SPOPL: variants seen among roughly 807,000 people sequenced by gnomAD.
SPOPL encodes the protein speckle type BTB/POZ protein like.
Under a neutral mutation model 53.8 loss-of-function variants are expected in SPOPL, and 23 were observed. That is an observed-to-expected ratio of 0.43 (90% CI 0.31 to 0.61). The LOEUF (loss-of-function observed/expected upper bound fraction) is 0.61. Among genes scored for constraint, SPOPL ranks in the 20% least tolerant of loss-of-function variants. The pLI is 0.12. For missense variants in SPOPL, 442 were observed against 466.9 expected, an observed-to-expected ratio of 0.95 and a Z score of 0.49; for synonymous variants, 164 against 149.7, an observed-to-expected ratio of 1.10 and a Z score of -0.70.
At chr2:138,537,613 T>C (rs1684965884) in intron 1 of SPOPL, among the ~76,000 whole-genome samples, 5 of 152,196 alleles carry the variant, frequency 3.3e-5, no homozygotes, top group Admixed American at 3.3e-4. Flanking sequence ...GTCTTCTCCC[T>C]TAGAGGCAGG....
At chr2:138,535,224 T>A (rs1684901786) in intron 1 of SPOPL, among the ~76,000 whole-genome samples, 1 of 152,252 alleles carries the variant, frequency 6.6e-6, no homozygotes, top group African/African-American at 2.4e-5. Flanking sequence ...ATTCATTTAT[T>A]GCTTGATGAA....
At chr2:138,564,602 T>C in intron 8 of SPOPL, 106 bp from the exon 9 acceptor site, 2 of 1,236,066 alleles carry the variant, frequency 1.6e-6, no homozygotes, top group Admixed American at 2.4e-5. Flanking sequence ...AAAATAATCT[T>C]AAATAATAAT....
intron 1 of SPOPL, among the ~76,000 whole-genome samples, chr2:138,535,515 T>G (rs1462506269): frequency 1.3e-5 from 2 of 149,926 alleles, no homozygotes; most frequent in Non-Finnish European, 3.0e-5. Flanking sequence ...TGCAGGTGAT[T>G]CCCCACTCCT....
chr2:138,555,968 C>T (rs2104897233), intron 5 of SPOPL, among the ~76,000 whole-genome samples: 1 of 152,054 alleles, frequency 6.6e-6, no homozygotes, highest in Admixed American at 6.5e-5. Flanking sequence ...AGGTTCCATT[C>T]AGTAAGAGCA....
intron 1 of SPOPL, among the ~76,000 whole-genome samples, chr2:138,524,029 CT>C (rs1427059371): frequency 6.6e-6 from 1 of 152,214 alleles, no homozygotes; most frequent in Non-Finnish European, 1.5e-5. Flanking sequence ...CCTCACTGCC[CT>C]AGCAGAGGTT....
At chr2:138,503,542 G>C (rs1684150947) in intron 1 of SPOPL, among the ~76,000 whole-genome samples, 1 of 152,094 alleles carries the variant, frequency 6.6e-6, no homozygotes, top group Admixed American at 6.5e-5. Flanking sequence ...AACCTTTTTT[G>C]ATATAGATAG....
At chr2:138,554,233 A>G (rs1392683002) in intron 5 of SPOPL, among the ~76,000 whole-genome samples, 1 of 152,064 alleles carries the variant, frequency 6.6e-6, no homozygotes, top group Non-Finnish European at 1.5e-5. Context: ...ACCCCCAAAA[A>G]CAAAACCCAA....
At chr2:138,512,701 A>G (rs1036539743) in intron 1 of SPOPL, among the ~76,000 whole-genome samples, 1 of 152,126 alleles carries the variant, frequency 6.6e-6, no homozygotes, top group African/African-American at 2.4e-5. Context: ...TTTTTCCTTC[A>G]TTCCCACTTT....
chr2:138,524,088 G>C (rs996209314), intron 1 of SPOPL, among the ~76,000 whole-genome samples: 2 of 152,192 alleles, frequency 1.3e-5, no homozygotes, highest in African/African-American at 4.8e-5. Context: ...TGGGCATTCA[G>C]GTGTTTCTAT....
chr2:138,554,790 A>G (rs987702862), intron 5 of SPOPL, among the ~76,000 whole-genome samples: 4 of 152,226 alleles, frequency 2.6e-5, no homozygotes, highest in Non-Finnish European at 5.9e-5. Context: ...CATGATATAC[A>G]GGAAAAATGT....
intron 7 of SPOPL, among the ~76,000 whole-genome samples, chr2:138,560,224 A>G (rs1176810946): frequency 6.6e-6 from 1 of 152,140 alleles, no homozygotes; most frequent in South Asian, 2.1e-4. Context: ...ATTTTTGCAA[A>G]TGGGAGAATT....
At chr2:138,529,445 T>C (rs1010888590) in intron 1 of SPOPL, among the ~76,000 whole-genome samples, 1 of 152,116 alleles carries the variant, frequency 6.6e-6, no homozygotes, top group Non-Finnish European at 1.5e-5. Flanking sequence ...CATTGTTACC[T>C]TGGTCATAAA....
At chr2:138,543,262 C>T (rs867007538) in intron 1 of SPOPL, among the ~76,000 whole-genome samples, 1 of 152,090 alleles carries the variant, frequency 6.6e-6, no homozygotes, top group Non-Finnish European at 1.5e-5. Flanking sequence ...TCTGTATTTC[C>T]TGAATTTGAA....
At position 138,530,654 on chromosome 2, in the gene SPOPL, CAT is replaced by C. The variant is rs1404808166; in HGVS notation, c.-60-19501_-60-19500del. Among the ~76,000 whole-genome samples, 4 of 152,250 alleles carry C rather than the reference CAT, an allele frequency of 2.6e-5. No homozygotes were observed. In the South Asian group the frequency reaches 6.2e-4, roughly 24 times the overall value. The stretch of plus-strand genomic sequence containing the variant: ...ATTTTTGCTTTCCAATTGTTGCTAA[CAT>C]AAAAATATAATGGATTTTTATATGC... On this transcript the variant is annotated intron_variant, in intron 1 of 10. Coordinates refer to ENST00000280098, the MANE Select transcript of SPOPL (RefSeq NM_001001664.3).
At chr2:138,566,163 A>G (rs1199988001) in intron 10 of SPOPL, among the ~76,000 whole-genome samples, 1 of 152,172 alleles carries the variant, frequency 6.6e-6, no homozygotes, top group Admixed American at 6.5e-5. Flanking sequence ...TGTTTTCTGA[A>G]AGTAAAAAGT....
intron 10 of SPOPL, among the ~76,000 whole-genome samples, 153 bp from the exon 11 acceptor site, chr2:138,568,783 A>G (rs907225395): frequency 1.3e-5 from 2 of 152,244 alleles, no homozygotes; most frequent in Non-Finnish European, 2.9e-5. Context: ...CCAGTAAGAT[A>G]AAGATGGTAT....
intron 1 of SPOPL, among the ~76,000 whole-genome samples, chr2:138,503,778 A>T (rs1684155595): frequency 6.6e-6 from 1 of 152,240 alleles, no homozygotes; most frequent in Admixed American, 6.5e-5. Flanking sequence ...TTTTACAGAT[A>T]AAAGTTTTAG....
At position 138,570,651 on chromosome 2, in the gene SPOPL, A is replaced by G. The variant is rs145435294; in HGVS notation, c.*1571A>G. 2.6e-4 allele frequency: 39 copies of G among 152,302 alleles called. No individual in the cohort carries two copies. The highest frequency in any genetic ancestry group is 8.3e-4 in the South Asian group (4 of 4,832). 9.4% of individuals were successfully genotyped at this position (152,302 alleles called of 1,614,324 possible). On this transcript the variant is annotated 3_prime_UTR_variant, in exon 11 of 11. Coordinates refer to ENST00000280098, the MANE Select transcript of SPOPL (RefSeq NM_001001664.3). ...TATACCTATGTTTGCAAACATAACT[A>G]TTCTTCAGATTAAAATTTGTATAAT...
In SPOPL at chr2:138,527,737, C is replaced by T. The variant is rs528999240; in HGVS notation, c.-60-22420C>T. Reference sequence around the variant, plus strand: ...CAAATGTCTGTTATCCTTGGCTTTCCGTTCATATATTAGGATGAGGGACTG... The same window carrying T: ...CAAATGTCTGTTATCCTTGGCTTTCTGTTCATATATTAGGATGAGGGACTG... On this transcript the variant is annotated intron_variant, in intron 1 of 10. Coordinates refer to ENST00000280098, the MANE Select transcript of SPOPL (RefSeq NM_001001664.3). Among the ~76,000 whole-genome samples, 16 of 152,148 alleles carry T rather than the reference C, an allele frequency of 1.1e-4. No individual in the cohort carries two copies. In the East Asian group the frequency reaches 2.7e-3, roughly 26 times the overall value.
Sources: allele counts gnomAD v4.1 joint callset (sites outside exome capture counted in the v4.1 genomes callset), GRCh38; gene constraint gnomAD v4.1.1; transcripts MANE v1.5; gene names NCBI Gene and HGNC (gene_info 2026-07-23, HGNC 2026-07-21).